Variants in SVOPL observed in about 807,000 individuals in gnomAD.
The protein encoded by SVOPL is putative transporter SVOPL.
SVOPL carries 60 observed loss-of-function variants against 61.0 expected under a neutral mutation model. The ratio of observed to expected loss-of-function variants is 0.98; its 90% CI spans 0.80 to 1.22. The LOEUF is 1.22. SVOPL is among the 50% of genes most tolerant of loss of function. The pLI is 0.00. For synonymous variants in SVOPL, 279 were observed against 250.0 expected (o/e 1.12, Z -1.09); for missense variants, 662 against 643.9 (o/e 1.03, Z -0.30).
intron 9 of SVOPL, among the ~76,000 whole-genome samples, chr7:138,634,152 G>A (rs1360357460): frequency 6.6e-6 from 1 of 152,184 alleles, no homozygotes; most frequent in Admixed American, 6.5e-5. Context: ...TGGCGGTGAT[G>A]CCATCTCATT....
intron 1 of SVOPL, among the ~76,000 whole-genome samples, chr7:138,700,738 C>A (rs1476432209): frequency 6.7e-6 from 1 of 149,180 alleles, no homozygotes; most frequent in Non-Finnish European, 1.5e-5. Context: ...ATCAGTTAGA[C>A]CAACTCAGGA....
At chr7:138,685,803 C>T (rs1802796514) in intron 1 of SVOPL, among the ~76,000 whole-genome samples, 1 of 151,504 alleles carries the variant, frequency 6.6e-6, no homozygotes, top group African/African-American at 2.4e-5. Flanking sequence ...ACCCAGGAGG[C>T]AGAAGTTGCA....
At chr7:138,636,979 C>T (rs897884171) in intron 9 of SVOPL, among the ~76,000 whole-genome samples, 5 of 152,060 alleles carry the variant, frequency 3.3e-5, no homozygotes, top group African/African-American at 1.2e-4. Flanking sequence ...AGTGTCATAT[C>T]ATACCAATAA....
chr7:138,655,648 ATAT>A (rs1384773768), intron 7 of SVOPL, among the ~76,000 whole-genome samples: 5 of 8,852 alleles, frequency 5.6e-4, no homozygotes, highest in Non-Finnish European at 2.4e-3. Flanking sequence ...TATTATATAT[ATAT>A]TATACTAATA....
At chr7:138,677,676 C>T (rs532447857) in intron 3 of SVOPL, among the ~76,000 whole-genome samples, 60 of 150,796 alleles carry the variant, frequency 4.0e-4, no homozygotes, top group African/African-American at 1.4e-3. Context: ...GAATAGGAAA[C>T]ATTTGTCATC....
intron 1 of SVOPL, among the ~76,000 whole-genome samples, chr7:138,690,929 T>C (rs116160541): frequency 6.6e-6 from 1 of 152,120 alleles, no homozygotes; most frequent in East Asian, 1.9e-4. Flanking sequence ...TCCATCACCA[T>C]GCCCGACTAA....
chr7:138,642,787 G>A (rs1015276694), intron 9 of SVOPL, among the ~76,000 whole-genome samples: 16 of 144,194 alleles, frequency 1.1e-4, no homozygotes, highest in African/African-American at 4.1e-4. Flanking sequence ...CCGAGATCAC[G>A]CTACTACACT....
chr7:138,635,753 G>A (rs1800438041), intron 9 of SVOPL, among the ~76,000 whole-genome samples: 1 of 152,030 alleles, frequency 6.6e-6, no homozygotes, highest in Admixed American at 6.6e-5. Context: ...CTGTTCTCCA[G>A]GGAAATGGCT....
intron 7 of SVOPL, among the ~76,000 whole-genome samples, chr7:138,651,975 C>T (rs193298156): frequency 2.2e-4 from 33 of 152,302 alleles, no homozygotes; most frequent in Admixed American, 7.8e-4. Context: ...TCACGGCTCA[C>T]TGCAACCTCA....
intron 14 of SVOPL, among the ~76,000 whole-genome samples, chr7:138,599,159 C>CAAAAAA (rs1336279820): frequency 8.5e-5 from 7 of 82,730 alleles, no homozygotes; most frequent in African/African-American, 1.3e-4. Context: ...AAAAAAAAAC[C>CAAAAAA]AAAAAAAAAA....
chr7:138,646,035 C>T (rs140146679), intron 8 of SVOPL: 9,662 of 159,164 alleles, frequency 0.061, 382 homozygotes, highest in East Asian at 0.14. Context: ...AGGCTGGTCT[C>T]GAACTCCTGA....
chr7:138,655,245 T>C (rs1046278888), intron 7 of SVOPL, among the ~76,000 whole-genome samples: 20 of 152,148 alleles, frequency 1.3e-4, no homozygotes, highest in Non-Finnish European at 2.6e-4. Context: ...GCCTCACGCC[T>C]GTAATCCCAG....
rs59400217 is a variant in SVOPL, at chr7:138,602,441, CTATATA to C, written c.1354-5917_1354-5912del. Among the ~76,000 whole-genome samples the C allele has an allele frequency of 2.9e-3, 404 of 140,724 alleles. 1 individual carries two copies. Among genetic ancestry groups the C allele is most frequent in the South Asian group, 8.1e-3 (35 of 4,332 alleles). 92.3% of individuals were successfully genotyped at this position (140,724 alleles called of 152,430 possible). A position where few individuals can be genotyped will look rare whatever the true frequency, so the allele number is the denominator to read the frequency against. ...GATTATTAGTGAGAAAAGGCAGTTG[CTATATA>C]TATATATATATATATATATATATAT... On this transcript the variant is annotated intron_variant, in intron 14 of 15. Transcript: ENST00000674285.
intron 1 of SVOPL, among the ~76,000 whole-genome samples, chr7:138,697,487 G>T (rs1158117140): frequency 2.0e-5 from 3 of 151,410 alleles, no homozygotes; most frequent in Non-Finnish European, 4.4e-5. Context: ...ACGTGCCTGT[G>T]GTCCCAGCTA....
At chr7:138,620,177 G>C (rs1799497800) in intron 14 of SVOPL, among the ~76,000 whole-genome samples, 1 of 132,006 alleles carries the variant, frequency 7.6e-6, no homozygotes. Flanking sequence ...CTAGAGTGCA[G>C]TGACGCGATC....
chr7:138,644,247 G>A (rs1180543004), intron 9 of SVOPL, among the ~76,000 whole-genome samples: 2 of 141,064 alleles, frequency 1.4e-5, no homozygotes, highest in African/African-American at 2.6e-5. Context: ...GCTCAACGAT[G>A]TCTTGCTATT....
chr7:138,636,189 A>G (rs1378766158), intron 9 of SVOPL, among the ~76,000 whole-genome samples: 2 of 152,140 alleles, frequency 1.3e-5, no homozygotes, highest in Non-Finnish European at 2.9e-5. Context: ...CAGCCTCCCA[A>G]AGTGCTGGGA....
intron 9 of SVOPL, among the ~76,000 whole-genome samples, chr7:138,635,395 CTTT>C (rs777908534): frequency 1.4e-5 from 2 of 140,320 alleles, no homozygotes; most frequent in African/African-American, 5.2e-5. Context: ...CTTTATTTTA[CTTT>C]TTTTTTTTTT....
At chr7:138,622,315 G>A (rs545024565) in intron 13 of SVOPL, among the ~76,000 whole-genome samples, 6 of 51,972 alleles carry the variant, frequency 1.2e-4, no homozygotes, top group African/African-American at 3.3e-4. Flanking sequence ...TCTATCTATC[G>A]ACAGAGTCTC....
Sources: allele counts gnomAD v4.1 joint callset (sites outside exome capture counted in the v4.1 genomes callset), GRCh38; gene constraint gnomAD v4.1.1; transcripts MANE v1.5; gene names NCBI Gene and HGNC (gene_info 2026-07-23, HGNC 2026-07-21).